CLASP1: variants seen among roughly 807,000 people sequenced by gnomAD.
CLASP1 encodes cytoplasmic linker associated protein 1.
A neutral mutation model predicts 192.3 loss-of-function variants in CLASP1; 38 were observed. The ratio of observed to expected loss-of-function variants is 0.20; its 90% CI spans 0.15 to 0.26. The LOEUF (loss-of-function observed/expected upper bound fraction) is 0.26, where lower values mean the gene tolerates loss of function less well. Among genes scored for constraint, CLASP1 ranks in the 10% least tolerant of loss-of-function variants. The pLI is 1.00. For synonymous variants in CLASP1, 691 were observed against 712.8 expected, an observed-to-expected ratio of 0.97 and a Z score of 0.49; for missense variants, 1,433 against 1,932.5, an observed-to-expected ratio of 0.74 and a Z score of 4.85.
At chr2:121,545,068 C>T (rs905292881) in intron 2 of CLASP1, among the ~76,000 whole-genome samples, 7 of 152,104 alleles carry the variant, frequency 4.6e-5, no homozygotes, top group Non-Finnish European at 4.4e-5. Flanking sequence ...TGTGCCACCA[C>T]ATCCAGCTAA....
rs188270043 is a variant in CLASP1 at position 121,495,439 on chromosome 2, T to C, written c.712+7728A>G. On this transcript the variant is annotated intron_variant, in intron 8 of 39. Transcript: ENST00000263710. ...GCTTTGGGAGGCTGAGGCGGGCAGATTGCCTGAAGTCAAGATTTCGAGACC... is the reference window on the plus strand; with the variant it reads ...GCTTTGGGAGGCTGAGGCGGGCAGACTGCCTGAAGTCAAGATTTCGAGACC... 2.5e-4 allele frequency among the ~76,000 whole-genome samples: 38 copies of C among 151,852 alleles called. No homozygotes were observed. The East Asian group carries it at 6.8e-3, about 27-fold the overall frequency.
intron 2 of CLASP1, among the ~76,000 whole-genome samples, chr2:121,577,514 GCACAGAGAAATGCTGGGAAGGCTGTTCCC>G (rs1239934095): frequency 1.3e-5 from 2 of 152,274 alleles, no homozygotes; most frequent in African/African-American, 4.8e-5. Context: ...TGTGATATAT[GCACAGAGAAATGCTGGGAAGGCTGTTCCC>G]CACAGTGTGG....
intron 8 of CLASP1, chr2:121,490,379 A>C (rs545305155): frequency 7.1e-6 from 3 of 423,062 alleles, no homozygotes; most frequent in African/African-American, 2.1e-5. Flanking sequence ...CTCTCCACCC[A>C]CACTTGTTCA....
At chr2:121,636,194 AGGCACAGTGCAGG>A (rs2070815985) in intron 1 of CLASP1, among the ~76,000 whole-genome samples, 1 of 151,748 alleles carries the variant, frequency 6.6e-6, no homozygotes, top group Non-Finnish European at 1.5e-5. Context: ...AAAATTAGCC[AGGCACAGTGCAGG>A]CGCCTGTAAT....
chr2:121,448,990 A>C, exon 17 of CLASP1: 4 of 1,613,968 alleles, frequency 2.5e-6, no homozygotes, highest in Non-Finnish European at 2.5e-6. Context: ...GAGCGGTCTG[A>C]CTGAGGCAGA....
intron 1 of CLASP1, among the ~76,000 whole-genome samples, chr2:121,634,263 G>A (rs188297873): frequency 6.6e-6 from 1 of 152,256 alleles, no homozygotes; most frequent in East Asian, 1.9e-4. Context: ...AAACATAACA[G>A]CAAAGTTTGC....
intron 2 of CLASP1, among the ~76,000 whole-genome samples, chr2:121,552,546 T>C (rs1283387243): frequency 6.6e-6 from 1 of 152,106 alleles, no homozygotes; most frequent in Non-Finnish European, 1.5e-5. Context: ...ACAGACACTT[T>C]TCAAAAGAAG....
At chr2:121,553,695 G>A (rs180837781) in intron 2 of CLASP1, among the ~76,000 whole-genome samples, 35 of 151,956 alleles carry the variant, frequency 2.3e-4, no homozygotes, top group African/African-American at 7.7e-4. Context: ...GCAAGACTCT[G>A]TCTCAAAAAT....
At chr2:121,413,521 G>A (rs113800203) in intron 23 of CLASP1, among the ~76,000 whole-genome samples, 1 of 152,198 alleles carries the variant, frequency 6.6e-6, no homozygotes, top group African/African-American at 2.4e-5. Context: ...ACCAGTGGAT[G>A]TTGAGTATTG....
chr2:121,449,018 G>A, exon 17 of CLASP1: 1 of 1,613,976 alleles, frequency 6.2e-7, no homozygotes, highest in Non-Finnish European at 8.5e-7. Flanking sequence ...TGCTGTCTGA[G>A]TTCTTCAGGT....
At chr2:121,513,724 C>CA (rs2094206724) in intron 7 of CLASP1, among the ~76,000 whole-genome samples, 1 of 152,224 alleles carries the variant, frequency 6.6e-6, no homozygotes, top group Admixed American at 6.5e-5. Context: ...ACCAGGCAAG[C>CA]ATCCTAGAGA....
chr2:121,528,259 C>CAGTAGAAG (rs2094632687), intron 4 of CLASP1, among the ~76,000 whole-genome samples: 3 of 152,240 alleles, frequency 2.0e-5, no homozygotes, highest in African/African-American at 7.2e-5. Context: ...CAATAAAGGA[C>CAGTAGAAG]AGTAGAAGCT....
chr2:121,478,959 C>T (rs1559369817), intron 8 of CLASP1, among the ~76,000 whole-genome samples: 29 of 59,852 alleles, frequency 4.8e-4, no homozygotes, highest in African/African-American at 1.6e-3. Flanking sequence ...ACCACACACA[C>T]ACACCACACA....
intron 20 of CLASP1, among the ~76,000 whole-genome samples, chr2:121,429,723 C>T (rs1167123807): frequency 1.3e-5 from 2 of 152,082 alleles, no homozygotes; most frequent in African/African-American, 2.4e-5. Context: ...TTTCTGCCCA[C>T]GTACTGTTCT....
At chr2:121,514,881 T>C (rs1219527256) in intron 7 of CLASP1, among the ~76,000 whole-genome samples, 1 of 152,230 alleles carries the variant, frequency 6.6e-6, no homozygotes, top group Non-Finnish European at 1.5e-5. Flanking sequence ...TTAGTAGCTG[T>C]GTAATCTCTC....
At chr2:121,583,075 C>T (rs954273783) in intron 2 of CLASP1, among the ~76,000 whole-genome samples, 10 of 152,072 alleles carry the variant, frequency 6.6e-5, no homozygotes, top group Non-Finnish European at 1.3e-4. Context: ...CATGAACCAC[C>T]GTGCCCAGCC....
intron 1 of CLASP1, among the ~76,000 whole-genome samples, chr2:121,618,701 A>C (rs2066858446): frequency 6.6e-6 from 1 of 152,212 alleles, no homozygotes; most frequent in Non-Finnish European, 1.5e-5. Flanking sequence ...AAGTGTTTCT[A>C]AATTCTTAAT....
chr2:121,603,266 T>C (rs547597811), intron 2 of CLASP1: 11 of 151,588 alleles, frequency 7.3e-5, no homozygotes, highest in South Asian at 2.1e-4. Context: ...GGACAAATAA[T>C]CTGAACAGAC....
intron 9 of CLASP1, among the ~76,000 whole-genome samples, chr2:121,467,250 A>C (rs1309884793): frequency 1.3e-5 from 2 of 152,206 alleles, no homozygotes; most frequent in Non-Finnish European, 2.9e-5. Context: ...TGCTATTGTG[A>C]ATAGTGCTGG....
Sources: gnomAD v4.1 joint callset for allele counts (sites outside exome capture counted in the v4.1 genomes callset) on GRCh38, gnomAD v4.1.1 for gene constraint, MANE v1.5 for transcripts, NCBI Gene and HGNC (gene_info 2026-07-23, HGNC 2026-07-21) for gene names.